The following ADCY1 variants were observed in gnomAD, a reference collection of about 807,000 sequenced individuals.
The protein encoded by ADCY1 is adenylate cyclase 1.
ADCY1 carries 28 observed loss-of-function variants against 105.4 expected under a neutral mutation model. The observed-to-expected ratio is 0.27, with a 90% CI of 0.20 to 0.36. The LOEUF (loss-of-function observed/expected upper bound fraction) is 0.36, where lower values mean the gene tolerates loss of function less well. Among genes scored for constraint, ADCY1 ranks in the 10% least tolerant of loss-of-function variants. The pLI, the probability that ADCY1 is intolerant of heterozygous loss-of-function variation, is 1.00. For synonymous variants in ADCY1, 655 were observed against 623.8 expected (o/e 1.05, Z -0.75); for missense variants, 977 against 1,434.2 (o/e 0.68, Z 5.15).
intron 1 of ADCY1, among the ~76,000 whole-genome samples, chr7:45,581,295 C>T (rs1019618833): frequency 1.2e-4 from 18 of 152,218 alleles, no homozygotes; most frequent in South Asian, 2.1e-4. Flanking sequence ...CCCTTACCGT[C>T]ACTTACATAC....
At chr7:45,594,958 C>A (rs1793031150) in intron 2 of ADCY1, among the ~76,000 whole-genome samples, 1 of 152,180 alleles carries the variant, frequency 6.6e-6, no homozygotes, top group Non-Finnish European at 1.5e-5. Flanking sequence ...ACAGACATAG[C>A]TACTGGTGTG....
chr7:45,579,095 G>A (rs2115700829), intron 1 of ADCY1, among the ~76,000 whole-genome samples: 1 of 152,276 alleles, frequency 6.6e-6, no homozygotes, highest in South Asian at 2.1e-4. Context: ...CAGAACCATG[G>A]CTTGGTTGCT....
Position 45,624,828 on chromosome 7 carries a change from C to T in ADCY1, c.1020+2085C>T, listed in dbSNP as rs149086893. On this transcript the variant is annotated intron_variant, in intron 4 of 19. Coordinates refer to ENST00000297323, the MANE Select transcript of ADCY1 (RefSeq NM_021116.4). The stretch of plus-strand genomic sequence containing the variant: ...TCTGGAGGGTCCCGCTTGGCCCCAC[C>T]TGGGCCTTTTCTCTCTCACCGTGCT... Among the ~76,000 whole-genome samples, 5 of 152,310 alleles carry T rather than the reference C, an allele frequency of 3.3e-5. No homozygotes were observed. The East Asian group carries it at 9.7e-4, about 30-fold the overall frequency.
At chr7:45,642,834 A>C (rs759700692) in intron 4 of ADCY1, among the ~76,000 whole-genome samples, 20 of 152,310 alleles carry the variant, frequency 1.3e-4, no homozygotes, top group Admixed American at 3.9e-4. Context: ...TGACTTTGCA[A>C]GGTGGAGGTT....
intron 2 of ADCY1, among the ~76,000 whole-genome samples, chr7:45,605,290 T>G (rs1354598784): frequency 6.6e-6 from 1 of 152,186 alleles, no homozygotes; most frequent in African/African-American, 2.4e-5. Context: ...ATTACTTTTA[T>G]TTCTTTCTTT....
In ADCY1 at chr7:45,658,011, C is replaced by G; in HGVS notation, c.1307+126C>G. ...ACTTGTGTGAGTGCTCCTGGAGGAG[C>G]CTGCCTGTCCCAGCCGCACCTGCCA... On this transcript the variant is annotated intron_variant, in intron 6 of 19. Transcript: ENST00000297323. 5 of 1,116,734 alleles carry G rather than the reference C, an allele frequency of 4.5e-6. No homozygotes were observed. In the South Asian group the frequency reaches 6.2e-5, roughly 14 times the overall value. The allele number at this position is 1,116,734 out of a possible 1,614,324, so 69.2% of individuals were successfully genotyped here.
At position 45,703,317 on chromosome 7, in the gene ADCY1, T is replaced by C. The variant is rs1468719372; in HGVS notation, c.2455-59T>C. 3 of 1,520,896 alleles carry C rather than the reference T, an allele frequency of 2.0e-6. No homozygotes were observed. The highest frequency in any genetic ancestry group is 1.4e-5 in the African/African-American group (1 of 73,084). 94.2% of individuals were successfully genotyped at this position (1,520,896 alleles called of 1,614,324 possible). On this transcript the variant is annotated intron_variant, in intron 14 of 19. Transcript: ENST00000297323. The surrounding 1 kb of genome is among the most constrained non-coding windows in gnomAD (Gnocchi z 5.9). ...TGGATGATTAGAAGGAAGTGTGCGGTGGGAACAAGTGAAGGCAGCGTGAGT... is the reference window on the plus strand; with the variant it reads ...TGGATGATTAGAAGGAAGTGTGCGGCGGGAACAAGTGAAGGCAGCGTGAGT...
At chr7:45,658,343 G>C (rs77729006) in intron 6 of ADCY1, among the ~76,000 whole-genome samples, 1 of 152,212 alleles carries the variant, frequency 6.6e-6, no homozygotes, top group Admixed American at 6.5e-5. Context: ...CTGGGTCACA[G>C]ATGATGCCTT....
At chr7:45,671,381 C>T (rs1784363720) in intron 8 of ADCY1, among the ~76,000 whole-genome samples, 1 of 152,216 alleles carries the variant, frequency 6.6e-6, no homozygotes, top group Admixed American at 6.5e-5. Flanking sequence ...ACAAATAAAG[C>T]TGCCATAAAC....
At position 45,714,528 on chromosome 7, in the gene ADCY1, AGGTCACAAGGCCTGGGGTT is replaced by A. The variant is rs1785327497; in HGVS notation, c.*535_*553del. The A allele has an allele frequency of 6.2e-6, 1 of 161,906 alleles. No homozygotes were observed. Among genetic ancestry groups the A allele is most frequent in the Admixed American group, 5.9e-5 (1 of 17,042 alleles). 10.0% of individuals were successfully genotyped at this position (161,906 alleles called of 1,614,324 possible). A position where few individuals can be genotyped will look rare whatever the true frequency, so the allele number is the denominator to read the frequency against. Reference sequence around the variant, plus strand: ...AGTGGGAAGTCAGGCCTCTCTGGGAAGGTCACAAGGCCTGGGGTTGTTCACACCACAGGCACAATACAGA... The same window carrying A: ...AGTGGGAAGTCAGGCCTCTCTGGGAAGTTCACACCACAGGCACAATACAGA... On this transcript the variant is annotated 3_prime_UTR_variant, in exon 20 of 20. Coordinates refer to ENST00000297323, the MANE Select transcript of ADCY1 (RefSeq NM_021116.4).
intron 1 of ADCY1, among the ~76,000 whole-genome samples, chr7:45,583,965 T>TC (rs1477835770): frequency 1.8e-4 from 26 of 146,796 alleles, no homozygotes; most frequent in Middle Eastern, 3.3e-3. Context: ...TTTTTTTTTT[T>TC]CAGACAAAGT....
intron 4 of ADCY1, among the ~76,000 whole-genome samples, chr7:45,623,516 T>A (rs1770047525): frequency 6.6e-6 from 1 of 152,132 alleles, no homozygotes; most frequent in Non-Finnish European, 1.5e-5. Context: ...CGGGCTGGGA[T>A]CTGAGCTGCA....
intron 14 of ADCY1, among the ~76,000 whole-genome samples, chr7:45,687,402 G>GGC (rs1454498134): frequency 6.6e-6 from 1 of 152,206 alleles, no homozygotes; most frequent in Admixed American, 6.5e-5. Context: ...CAGGGGCCAA[G>GGC]GCAGCGTGTG....
chr7:45,576,947 A>G (rs998889129), intron 1 of ADCY1, among the ~76,000 whole-genome samples: 4 of 152,170 alleles, frequency 2.6e-5, no homozygotes, highest in African/African-American at 7.2e-5. Context: ...GACATTTCCT[A>G]TATAGCCTCT....
intron 1 of ADCY1, among the ~76,000 whole-genome samples, chr7:45,586,453 C>A (rs1348689389): frequency 9.9e-5 from 15 of 152,120 alleles, no homozygotes; most frequent in Non-Finnish European, 1.9e-4. Flanking sequence ...CAAATATACA[C>A]AAAAGTAGAG....
At chr7:45,665,058 G>A (rs1382513129) in intron 8 of ADCY1, among the ~76,000 whole-genome samples, 1 of 152,152 alleles carries the variant, frequency 6.6e-6, no homozygotes, top group African/African-American at 2.4e-5. Flanking sequence ...GTGTTAGTTT[G>A]CTGAGGATGA....
intron 14 of ADCY1, among the ~76,000 whole-genome samples, chr7:45,700,151 C>T (rs1052523374): frequency 6.6e-6 from 1 of 152,204 alleles, no homozygotes; most frequent in African/African-American, 2.4e-5. Context: ...TCTGGTGTTT[C>T]TGCCCTCTTG....
chr7:45,680,164 C>T (rs1337419855), intron 11 of ADCY1, among the ~76,000 whole-genome samples: 5 of 152,142 alleles, frequency 3.3e-5, no homozygotes, highest in Admixed American at 1.3e-4. Context: ...AATAGACTGG[C>T]GATTGATATT....
In ADCY1 at chr7:45,629,330, G is replaced by A. The variant is rs115227874; in HGVS notation, c.1020+6587G>A. On this transcript the variant is annotated intron_variant, in intron 4 of 19. Transcript: ENST00000297323. ...CTTAGAATCATCCCATTTTGTAGCT[G>A]TACTGAAGCTTGTCTGTTTATTCAC... 2.6e-3 allele frequency among the ~76,000 whole-genome samples: 395 copies of A among 152,176 alleles called. 3 individuals carry two copies. Among genetic ancestry groups the A allele is most frequent in the African/African-American group, 9.0e-3 (375 of 41,518 alleles).
Sources: allele counts gnomAD v4.1 joint callset (sites outside exome capture counted in the v4.1 genomes callset), GRCh38; gene constraint gnomAD v4.1.1; non-coding constraint Gnocchi (gnomAD v3.1); transcripts MANE v1.5; gene names NCBI Gene and HGNC (gene_info 2026-07-23, HGNC 2026-07-21).